QRFPR: variants seen among roughly 807,000 people sequenced by gnomAD.
QRFPR encodes the protein pyroglutamylated RF-amide peptide receptor.
QRFPR carries 37 observed loss-of-function variants against 31.3 expected under a neutral mutation model. That is an observed-to-expected ratio of 1.18 (90% confidence interval 0.91 to 1.56). QRFPR has a LOEUF of 1.56. Among genes scored for constraint, QRFPR ranks in the 40% most tolerant of loss-of-function variants. The pLI is 0.00. For missense variants in QRFPR, 542 were observed against 532.5 expected (o/e 1.02, Z -0.18); for synonymous variants, 197 against 192.0 (o/e 1.03, Z -0.22).
intron 1 of QRFPR, among the ~76,000 whole-genome samples, chr4:121,358,189 T>C (rs1223672576): frequency 6.6e-6 from 1 of 152,204 alleles, no homozygotes; most frequent in African/African-American, 2.4e-5. Context: ...AAAGTAATAA[T>C]AGCAGGTAAT....
chr4:121,331,904 C>T (rs912728003), intron 4 of QRFPR, among the ~76,000 whole-genome samples: 8 of 152,098 alleles, frequency 5.3e-5, no homozygotes, highest in Admixed American at 4.6e-4. Context: ...CCACCCACCT[C>T]GGCCCCCCAA....
Position 121,340,557 on chromosome 4 carries a change from C to A in QRFPR, c.394G>T (p.Glu132Ter). 1.2e-6 allele frequency: 2 copies of A among 1,614,070 alleles called. No homozygotes were observed. The highest frequency in any genetic ancestry group is 1.3e-5 in the African/African-American group (1 of 75,028). ...PFVQSTAVVT[E>*]ILTMTCIAVE... ...GCAATGCAGGTCATAGTGAGGATTT[C>A]TGTCACAACAGCGGTAGACTGGACA... The change falls in exon 2 of 6, where the codon GAA becomes TAA. Residue 132 changes from glutamate to a stop codon, truncating the protein, a stop_gained. Coordinates refer to ENST00000394427, the MANE Select transcript of QRFPR (RefSeq NM_198179.3). LOFTEE classifies it high-confidence loss of function.
rs541074695 is a variant in QRFPR, at chr4:121,356,746, C to G, written c.341-16136G>C. 1.2e-4 allele frequency among the ~76,000 whole-genome samples: 18 copies of G among 152,208 alleles called. No individual in the cohort carries two copies. In the South Asian group the frequency reaches 3.1e-3, roughly 26 times the overall value. ...CTCCAGCTCTCCTCTCTCTCTCTTT[C>G]CCCTAATCAGAAGGATATTCTCCAT... On this transcript the variant is annotated intron_variant, in intron 1 of 5. Coordinates refer to ENST00000394427, the MANE Select transcript of QRFPR (RefSeq NM_198179.3).
rs563758841 is a variant in QRFPR at position 121,340,559 on chromosome 4, G to A, written c.392C>T (p.Thr131Ile). Reference sequence around the variant, plus strand: ...AATGCAGGTCATAGTGAGGATTTCTGTCACAACAGCGGTAGACTGGACAAA... The same window carrying A: ...AATGCAGGTCATAGTGAGGATTTCTATCACAACAGCGGTAGACTGGACAAA... The part of the protein sequence containing the change: ...VPFVQSTAVV[T>I]EILTMTCIAV... Residue 131 changes from threonine (T) to isoleucine (I), a missense_variant, in exon 2 of 6, where the codon ACA becomes ATA. Physicochemically the swap from Thr to Ile is moderately conservative, Grantham distance 89 (BLOSUM62 -1). Coordinates refer to ENST00000394427, the MANE Select transcript of QRFPR (RefSeq NM_198179.3). 1 of 1,614,026 alleles carries A rather than the reference G, an allele frequency of 6.2e-7. No individual in the cohort carries two copies. The highest frequency in any genetic ancestry group is 2.2e-5 in the East Asian group (1 of 44,876).
intron 1 of QRFPR, among the ~76,000 whole-genome samples, chr4:121,341,031 A>G (rs1176329864): frequency 6.6e-6 from 1 of 152,012 alleles, no homozygotes; most frequent in East Asian, 1.9e-4. Context: ...AAAGACTCCC[A>G]TATTTCTTCT....
rs542091642 is a variant in QRFPR at position 121,334,191 on chromosome 4, G to A, written c.562-1135C>T. The stretch of plus-strand genomic sequence containing the variant: ...AGAGCATGCTGAACTGGAAGTCTTG[G>A]ATCAGGTTCACATAGCCCTAGGGAC... On this transcript the variant is annotated intron_variant, in intron 3 of 5. Transcript: ENST00000394427. 1.8e-3 allele frequency among the ~76,000 whole-genome samples: 268 copies of A among 152,296 alleles called. 1 individual carries two copies. The highest frequency in any genetic ancestry group is 6.3e-3 in the African/African-American group (260 of 41,552).
chr4:121,380,944 G>GGC lies in QRFPR; in HGVS notation c.-299_-298dup. On this transcript the variant is annotated 5_prime_UTR_variant, in exon 1 of 6. The change abolishes the stop of an existing upstream ORF in the 5' untranslated region. Transcript: ENST00000394427. Reference sequence around the variant, plus strand: ...CTTCCCTTGCTCTTCCCTAAGGCGAGGCGCCGCCACGGTCTGGGGTGCTGG... The same window carrying GGC: ...CTTCCCTTGCTCTTCCCTAAGGCGAGGCGCGCCGCCACGGTCTGGGGTGCTGG... 2.8e-6 allele frequency: 1 copy of GGC among 355,116 alleles called. No homozygotes were observed. 22.0% of individuals were successfully genotyped at this position (355,116 alleles called of 1,614,324 possible). A position where few individuals can be genotyped will look rare whatever the true frequency, so the allele number is the denominator to read the frequency against.
chr4:121,358,802 A>C (rs1725923220), intron 1 of QRFPR, among the ~76,000 whole-genome samples: 1 of 152,230 alleles, frequency 6.6e-6, no homozygotes, highest in Non-Finnish European at 1.5e-5. Context: ...ACAATGTTCT[A>C]AGTTATAAAA....
intron 1 of QRFPR, among the ~76,000 whole-genome samples, chr4:121,342,918 A>C (rs1259788092): frequency 1.3e-5 from 2 of 152,172 alleles, no homozygotes; most frequent in African/African-American, 4.8e-5. Flanking sequence ...CTAACCAACT[A>C]TCTTTTCCAA....
intron 1 of QRFPR, among the ~76,000 whole-genome samples, chr4:121,374,663 T>TA (rs1384823633): frequency 6.6e-6 from 1 of 152,154 alleles, no homozygotes; most frequent in African/African-American, 2.4e-5. Context: ...ATCTGTGTTT[T>TA]AAAAAACTCC....
At chr4:121,376,139 C>A (rs914735715) in intron 1 of QRFPR, among the ~76,000 whole-genome samples, 3 of 152,116 alleles carry the variant, frequency 2.0e-5, no homozygotes, top group African/African-American at 7.2e-5. Context: ...AAGGAAAGGG[C>A]CATGGCAGAG....
At chr4:121,358,421 T>A (rs1319555489) in intron 1 of QRFPR, among the ~76,000 whole-genome samples, 1 of 152,220 alleles carries the variant, frequency 6.6e-6, no homozygotes, top group East Asian at 1.9e-4. Flanking sequence ...TCAGCTCTCA[T>A]GGGCTGGTAC....
chr4:121,357,842 A>G (rs1400729952), intron 1 of QRFPR, among the ~76,000 whole-genome samples: 1 of 152,188 alleles, frequency 6.6e-6, no homozygotes, highest in Non-Finnish European at 1.5e-5. Flanking sequence ...TTCCAACTGA[A>G]GAGGTTAAGG....
chr4:121,330,280 T>C (rs1725297702), intron 5 of QRFPR, 146 bp downstream of exon 5: 1 of 623,252 alleles, frequency 1.6e-6, no homozygotes, highest in African/African-American at 1.8e-5. Flanking sequence ...CATAATGACC[T>C]TGTGATCTTG....
Position 121,363,610 on chromosome 4 carries a change from A to G in QRFPR, c.340+16698T>C, listed in dbSNP as rs777805881. ...GAATAAGGAAATACAATGAAGGTAG[A>G]GTTAGGAAATGAATTTAAAAGGATA... On this transcript the variant is annotated intron_variant, in intron 1 of 5. Coordinates refer to ENST00000394427, the MANE Select transcript of QRFPR (RefSeq NM_198179.3). Among the ~76,000 whole-genome samples the G allele has an allele frequency of 1.9e-4, 28 of 150,298 alleles. 2 individuals are homozygous for G. Among genetic ancestry groups the G allele is most frequent in the Non-Finnish European group, 2.1e-4 (14 of 67,652 alleles).
rs372618940 is a variant in QRFPR, at chr4:121,364,118, G to A, written c.340+16190C>T. The stretch of plus-strand genomic sequence containing the variant: ...GGGTTGAGGGAGCTTGAGGTCCTGC[G>A]TTACAAGGGCAGGAATCAGTAGGAT... On this transcript the variant is annotated intron_variant, in intron 1 of 5. Transcript: ENST00000394427. Among the ~76,000 whole-genome samples, 12 of 150,004 alleles carry A rather than the reference G, an allele frequency of 8.0e-5. 2 individuals are homozygous for A. Among genetic ancestry groups the A allele is most frequent in the East Asian group, 4.0e-4 (2 of 5,010 alleles).
At position 121,331,676 on chromosome 4, in the gene QRFPR, G is replaced by A. The variant is rs566364834; in HGVS notation, c.797+1145C>T. ...TTATTATTGTTATTATTATGGAGATGGAGTCTTGCTCTGTCACCCAGACTA... is the reference window on the plus strand; with the variant it reads ...TTATTATTGTTATTATTATGGAGATAGAGTCTTGCTCTGTCACCCAGACTA... On this transcript the variant is annotated intron_variant, in intron 4 of 5. Transcript: ENST00000394427. Among the ~76,000 whole-genome samples the A allele has an allele frequency of 4.5e-3, 675 of 149,158 alleles. 8 individuals are homozygous for A. Among genetic ancestry groups the A allele is most frequent in the African/African-American group, 0.016 (653 of 40,658 alleles).
chr4:121,346,724 T>C (rs10028136), intron 1 of QRFPR, among the ~76,000 whole-genome samples: 2,295 of 152,342 alleles, frequency 0.015, 70 homozygotes, highest in African/African-American at 0.053. Context: ...ACTAACTTGC[T>C]GAGAATTTTT....
intron 1 of QRFPR, among the ~76,000 whole-genome samples, chr4:121,352,271 A>G (rs1579578829): frequency 6.6e-6 from 1 of 152,274 alleles, no homozygotes; most frequent in East Asian, 1.9e-4. Flanking sequence ...TAAATGCCAC[A>G]GCTGAATGAC....
Sources: allele counts gnomAD v4.1 joint callset (sites outside exome capture counted in the v4.1 genomes callset), GRCh38; gene constraint gnomAD v4.1.1; transcripts MANE v1.5; gene names NCBI Gene and HGNC (gene_info 2026-07-23, HGNC 2026-07-21).